The following ATXN7 variants were observed in gnomAD, a reference collection of about 807,000 sequenced individuals.
The protein encoded by ATXN7 is ataxin 7, also known as ataxin-7.
In ATXN7, 12 loss-of-function variants were observed where a neutral mutation model predicts 70.5. That is an observed-to-expected ratio of 0.17 (90% confidence interval 0.11 to 0.28). The LOEUF (loss-of-function observed/expected upper bound fraction) is 0.28, where lower values mean the gene tolerates loss of function less well. Among genes scored for constraint, ATXN7 ranks in the 10% least tolerant of loss-of-function variants. ATXN7 has a pLI of 1.00. For synonymous variants in ATXN7, 498 were observed against 448.7 expected, an observed-to-expected ratio of 1.11 and a Z score of -1.39; for missense variants, 1,256 against 1,131.7, an observed-to-expected ratio of 1.11 and a Z score of -1.58.
chr3:63,917,488 G>C (rs1459087319), intron 4 of ATXN7, among the ~76,000 whole-genome samples: 1 of 152,188 alleles, frequency 6.6e-6, no homozygotes, highest in Non-Finnish European at 1.5e-5. Flanking sequence ...TAGTTGCACA[G>C]CAGATTTTAA....
chr3:63,949,134 C>T (rs1271134883), intron 4 of ATXN7, among the ~76,000 whole-genome samples: 1 of 152,108 alleles, frequency 6.6e-6, no homozygotes, highest in African/African-American at 2.4e-5. Flanking sequence ...TATTTAGGAA[C>T]ATACATACTG....
chr3:63,967,781 T>G (rs982006544), intron 5 of ATXN7: 3 of 1,468,336 alleles, frequency 2.0e-6, no homozygotes, highest in African/African-American at 2.8e-5. Context: ...GTAATTCAAG[T>G]GCTTTTTACA....
At chr3:63,949,440 C>T (rs542546608) in intron 4 of ATXN7, among the ~76,000 whole-genome samples, 6 of 152,084 alleles carry the variant, frequency 3.9e-5, no homozygotes, top group Non-Finnish European at 8.8e-5. Flanking sequence ...ACTCTTTCAC[C>T]CAGGCTGGAG....
intron 6 of ATXN7, 163 bp downstream of exon 6, chr3:63,980,330 A>G (rs948706386): frequency 3.0e-6 from 3 of 1,011,862 alleles, no homozygotes; most frequent in Non-Finnish European, 4.2e-6. Context: ...GTCATGTCAT[A>G]GGAAACTTTT....
intron 5 of ATXN7, among the ~76,000 whole-genome samples, chr3:63,961,523 A>C (rs2106691487): frequency 6.6e-6 from 1 of 152,250 alleles, no homozygotes; most frequent in African/African-American, 2.4e-5. Flanking sequence ...AGCAGTTCTG[A>C]TTTGGGTTGC....
At chr3:63,983,389 G>T (rs550875970) in intron 8 of ATXN7, among the ~76,000 whole-genome samples, 5 of 152,218 alleles carry the variant, frequency 3.3e-5, no homozygotes, top group South Asian at 2.1e-4. Flanking sequence ...CCTTGCGTGT[G>T]TATGAACATT....
chr3:63,988,050 G>A lies in ATXN7; in HGVS notation c.1096-9G>A. On this transcript the variant is annotated splice_polypyrimidine_tract_variant and intron_variant, in intron 8 of 12. Coordinates refer to ENST00000674280, the MANE Select transcript of ATXN7 (RefSeq NM_001377405.1). ...GATTCCTCAGTTTCTGTATTTTTTT[G>A]GTCCACAGACACATTCCTTAACCCA... is the stretch of plus-strand genomic sequence containing the variant. 1 of 1,605,466 alleles carries A rather than the reference G, an allele frequency of 6.2e-7. No individual in the cohort carries two copies. Among genetic ancestry groups the A allele is most frequent in the South Asian group, 1.1e-5 (1 of 89,448 alleles).
rs1490966830 is a variant in ATXN7 at position 64,001,598 on chromosome 3, T to C, written c.*2131T>C. 1 of 152,222 alleles carries C rather than the reference T, an allele frequency of 6.6e-6. No homozygotes were observed. Among genetic ancestry groups the C allele is most frequent in the Non-Finnish European group, 1.5e-5 (1 of 68,028 alleles). 9.4% of individuals were successfully genotyped at this position (152,222 alleles called of 1,614,324 possible). ...AATAACAAGTTGATTCAGACTAATG[T>C]AGATATTTAGATTAGCAAGTATTGA... On this transcript the variant is annotated 3_prime_UTR_variant, in exon 13 of 13. Transcript: ENST00000674280.
chr3:63,977,708 G>A (rs981627697), intron 5 of ATXN7, among the ~76,000 whole-genome samples: 3 of 152,074 alleles, frequency 2.0e-5, no homozygotes, highest in Non-Finnish European at 4.4e-5. Flanking sequence ...TTTGGCAGAC[G>A]GGCACTACTG....
chr3:63,997,812 T>G, intron 12 of ATXN7: 1 of 1,462,464 alleles, frequency 6.8e-7, no homozygotes, highest in East Asian at 2.5e-5. Context: ...TAGTGTGATA[T>G]AATTTTCCTC....
intron 1 of ATXN7, among the ~76,000 whole-genome samples, chr3:63,873,145 T>C (rs1363988518): frequency 5.3e-5 from 8 of 152,178 alleles, no homozygotes; most frequent in African/African-American, 1.9e-4. Flanking sequence ...GTTTAATTAC[T>C]TGCCAATCAA....
At chr3:63,875,168 C>T (rs565390715) in intron 1 of ATXN7, among the ~76,000 whole-genome samples, 31 of 151,950 alleles carry the variant, frequency 2.0e-4, no homozygotes, top group South Asian at 6.2e-4. Flanking sequence ...TTGTCCAGGC[C>T]GGTCTTGAAC....
rs1323335032 is a variant in ATXN7 at position 64,002,004 on chromosome 3, A to C, written c.*2537A>C. 2.3e-5 allele frequency: 3 copies of C among 129,206 alleles called. No homozygotes were observed. Among genetic ancestry groups the C allele is most frequent in the Non-Finnish European group, 4.9e-5 (3 of 60,946 alleles). The allele number at this position is 129,206 out of a possible 1,614,324, so 8.0% of individuals were successfully genotyped here. A position where few individuals can be genotyped will look rare whatever the true frequency, so the allele number is the denominator to read the frequency against. On this transcript the variant is annotated 3_prime_UTR_variant, in exon 13 of 13. Transcript: ENST00000674280. ...AACTCCTGCAGTTTTCTTAACCTAC[A>C]AAAAAAAAAAAAAAGTGCTGCAATG...
chr3:63,912,442 G>T (rs1704063227), intron 2 of ATXN7, 146 bp from the exon 3 acceptor site: 1 of 342,092 alleles, frequency 2.9e-6, no homozygotes, highest in Non-Finnish European at 4.2e-6. Flanking sequence ...TTGAGGAGGC[G>T]GGCTCGGGGG....
chr3:63,911,042 A>C (rs777179862), intron 2 of ATXN7, among the ~76,000 whole-genome samples: 12 of 152,160 alleles, frequency 7.9e-5, no homozygotes, highest in Non-Finnish European at 1.3e-4. Context: ...GTACAAAAAA[A>C]AAAAGAATTC....
At chr3:63,955,487 G>A (rs2075024808) in intron 5 of ATXN7, among the ~76,000 whole-genome samples, 1 of 152,178 alleles carries the variant, frequency 6.6e-6, no homozygotes, top group South Asian at 2.1e-4. Flanking sequence ...TTACTTGGAG[G>A]GAAGGAGAGG....
intron 2 of ATXN7, 56 bp from the exon 3 acceptor site, chr3:63,912,532 T>A (rs1575882477): frequency 4.7e-6 from 5 of 1,062,008 alleles, no homozygotes; most frequent in Non-Finnish European, 5.8e-6. Context: ...CCCTGGCGCC[T>A]CCTTAAAAAA....
At chr3:63,881,857 C>T (rs1702921963) in intron 1 of ATXN7, among the ~76,000 whole-genome samples, 1 of 152,124 alleles carries the variant, frequency 6.6e-6, no homozygotes, top group African/African-American at 2.4e-5. Context: ...AAGGGGCTTA[C>T]CGGCTGCTGG....
chr3:63,999,301 C>T (rs937815519), intron 12 of ATXN7, 149 bp from the exon 13 acceptor site: 3 of 656,728 alleles, frequency 4.6e-6, no homozygotes, highest in Non-Finnish European at 8.0e-6. Flanking sequence ...AGAACAAAAT[C>T]TATAGCTGAC....
Sources: allele counts gnomAD v4.1 joint callset (sites outside exome capture counted in the v4.1 genomes callset), GRCh38; gene constraint gnomAD v4.1.1; transcripts MANE v1.5; gene names NCBI Gene and HGNC (gene_info 2026-07-23, HGNC 2026-07-21).